Variants in NDC80 observed in about 807,000 individuals in gnomAD.
NDC80 encodes kinetochore protein NDC80 homolog.
NDC80 carries 69 observed loss-of-function variants against 89.3 expected under a neutral mutation model. The observed-to-expected ratio is 0.77, with a 90% CI of 0.64 to 0.94. The LOEUF is 0.94. NDC80 is among the 40% of genes least tolerant of loss of function. The pLI is 0.00. For missense variants in NDC80, 593 were observed against 739.6 expected, an observed-to-expected ratio of 0.80 and a Z score of 2.30; for synonymous variants, 243 against 255.6, an observed-to-expected ratio of 0.95 and a Z score of 0.47.
rs557252075 is a variant in NDC80, at chr18:2,603,371, A to G, written c.1464+1886A>G. ...TATGTTTATACATATATATATATAT[A>G]TATATATACACCTATGTAATATATA... On this transcript the variant is annotated intron_variant, in intron 13 of 16. Coordinates refer to ENST00000261597, the MANE Select transcript of NDC80 (RefSeq NM_006101.3). Among the ~76,000 whole-genome samples the G allele has an allele frequency of 7.4e-4, 108 of 146,296 alleles. 3 individuals carry two copies. Among genetic ancestry groups the G allele is most frequent in the African/African-American group, 2.5e-3 (100 of 39,358 alleles).
At chr18:2,607,660 A>G (rs1452136350) in intron 14 of NDC80, among the ~76,000 whole-genome samples, 3 of 151,960 alleles carry the variant, frequency 2.0e-5, no homozygotes, top group African/African-American at 7.2e-5. Context: ...TTAATTTTTT[A>G]AAGGAAAAAG....
intron 12 of NDC80, among the ~76,000 whole-genome samples, chr18:2,599,775 G>A (rs2072675228): frequency 6.6e-6 from 1 of 152,110 alleles, no homozygotes; most frequent in South Asian, 2.1e-4. Flanking sequence ...TATTTGAGTT[G>A]CCCCTAAAAA....
intron 9 of NDC80, among the ~76,000 whole-genome samples, chr18:2,589,581 A>T (rs2072617380): frequency 6.6e-6 from 1 of 152,220 alleles, no homozygotes; most frequent in African/African-American, 2.4e-5. Flanking sequence ...GTACTTTTGA[A>T]CAAAGGCCCT....
Position 2,576,329 on chromosome 18 carries a change from A to G in NDC80, c.179+1263A>G, listed in dbSNP as rs575347351. On this transcript the variant is annotated intron_variant, in intron 3 of 16. Transcript: ENST00000261597. ...AACATGTTTTCAACTTTTAAAAAAC[A>G]TATTTTCAAAAATAAAACAATTTCA... Among the ~76,000 whole-genome samples the G allele has an allele frequency of 3.3e-5, 5 of 152,352 alleles. No individual in the cohort carries two copies. The East Asian group carries it at 7.7e-4, about 23-fold the overall frequency.
intron 16 of NDC80, chr18:2,614,579 A>AGGAG (rs2072769189): frequency 3.3e-4 from 1 of 3,056 alleles, no homozygotes; most frequent in African/African-American, 1.4e-3. Context: ...GAAAGAAAGA[A>AGGAG]AGAAAGAAAG....
At chr18:2,607,991 A>ATATATATATATATG (rs1568011725) in intron 14 of NDC80, among the ~76,000 whole-genome samples, 3 of 130,630 alleles carry the variant, frequency 2.3e-5, no homozygotes, top group Admixed American at 7.7e-5. Context: ...ATATATATAT[A>ATATATATATATATG]TATATATAAC....
chr18:2,593,051 TG>T (rs2072635644), intron 10 of NDC80, among the ~76,000 whole-genome samples: 1 of 118,924 alleles, frequency 8.4e-6, no homozygotes, highest in Admixed American at 7.9e-5. Context: ...TGTGTGTGTG[TG>T]TGTCTTTTTT....
At chr18:2,616,035 T>A (rs1225038629) in intron 16 of NDC80, among the ~76,000 whole-genome samples, 1 of 151,840 alleles carries the variant, frequency 6.6e-6, no homozygotes. Flanking sequence ...TCTTTTTACT[T>A]TTTTTTTGGA....
rs185466190 is a variant in NDC80, at chr18:2,585,285, G to A, written c.669+83G>A. On this transcript the variant is annotated intron_variant, in intron 7 of 16. Coordinates refer to ENST00000261597, the MANE Select transcript of NDC80 (RefSeq NM_006101.3). ...ATTGGATTTAATACAGATGCCCCTC[G>A]ACTTATGATAGAGTAATAAACCGAC... 581 of 1,046,074 alleles carry A rather than the reference G, an allele frequency of 5.6e-4. 4 individuals carry two copies. The Middle Eastern group carries it at 7.9e-3, about 14-fold the overall frequency. 64.8% of individuals were successfully genotyped at this position (1,046,074 alleles called of 1,614,324 possible). A position where few individuals can be genotyped will look rare whatever the true frequency, so the allele number is the denominator to read the frequency against.
intron 8 of NDC80, among the ~76,000 whole-genome samples, chr18:2,588,587 C>G (rs2072612991): frequency 6.6e-6 from 1 of 152,110 alleles, no homozygotes; most frequent in South Asian, 2.1e-4. Flanking sequence ...ATTCCTCCAA[C>G]AATGGAATCA....
At chr18:2,615,119 G>A (rs2072778716) in intron 16 of NDC80, 1 of 152,232 alleles carries the variant, frequency 6.6e-6, no homozygotes, top group African/African-American at 2.4e-5. Context: ...AGAGCTGAAA[G>A]AGTACATTTC....
intron 16 of NDC80, among the ~76,000 whole-genome samples, chr18:2,613,350 CCTTT>C (rs1412826449): frequency 6.6e-6 from 1 of 152,192 alleles, no homozygotes; most frequent in Non-Finnish European, 1.5e-5. Flanking sequence ...CACAAAATCA[CCTTT>C]TTTTTCTTTT....
chr18:2,588,121 G>A (rs938584020), intron 8 of NDC80, among the ~76,000 whole-genome samples, 198 bp downstream of exon 8: 2 of 152,156 alleles, frequency 1.3e-5, no homozygotes, highest in African/African-American at 4.8e-5. Flanking sequence ...AGCCAGACCT[G>A]AGCCATAACA....
intron 10 of NDC80, chr18:2,593,598 A>G (rs1457521546): frequency 6.3e-6 from 1 of 159,254 alleles, no homozygotes; most frequent in Admixed American, 6.5e-5. Flanking sequence ...TTCTCAGACA[A>G]TAACTTTTTT....
chr18:2,599,519 G>A (rs2072673744), intron 12 of NDC80, among the ~76,000 whole-genome samples: 1 of 152,100 alleles, frequency 6.6e-6, no homozygotes, highest in African/African-American at 2.4e-5. Flanking sequence ...TAGCAAAAAA[G>A]ACTCTGGAGA....
chr18:2,574,178 A>G (rs1031008484), intron 2 of NDC80, among the ~76,000 whole-genome samples: 2 of 152,208 alleles, frequency 1.3e-5, no homozygotes, highest in Non-Finnish European at 2.9e-5. Flanking sequence ...TTTATCTCAT[A>G]GAAGTAAAAA....
chr18:2,589,878 C>A (rs1413944849), intron 9 of NDC80, 140 bp from the exon 10 acceptor site: 37 of 425,618 alleles, frequency 8.7e-5, no homozygotes, highest in Non-Finnish European at 9.2e-5. Flanking sequence ...CCTTTTAGTT[C>A]TTTTGACTTC....
intron 6 of NDC80, among the ~76,000 whole-genome samples, chr18:2,583,503 C>T (rs1188381981): frequency 6.6e-6 from 1 of 152,080 alleles, no homozygotes; most frequent in Non-Finnish European, 1.5e-5. Context: ...GAGTTCGACA[C>T]CAGCCTGGCC....
chr18:2,605,291 T>C (rs1191740751), intron 13 of NDC80, among the ~76,000 whole-genome samples: 1 of 138,684 alleles, frequency 7.2e-6, no homozygotes, highest in Non-Finnish European at 1.5e-5. Context: ...TGTGTGTGTG[T>C]GTGTGTGTGT....
Sources: allele counts gnomAD v4.1 joint callset (sites outside exome capture counted in the v4.1 genomes callset), GRCh38; gene constraint gnomAD v4.1.1; transcripts MANE v1.5; gene names NCBI Gene and HGNC (gene_info 2026-07-23, HGNC 2026-07-21).